Variants in RGP1 observed in about 807,000 individuals in gnomAD.
RGP1 encodes RAB6A-GEF complex partner protein 2.
A neutral mutation model predicts 44.5 loss-of-function variants in RGP1; 28 were observed. That is an observed-to-expected ratio of 0.63 (90% CI 0.47 to 0.86). The LOEUF is 0.86. Among genes scored for constraint, RGP1 ranks in the 40% least tolerant of loss-of-function variants. The pLI is 0.00. For synonymous variants in RGP1, 212 were observed against 196.7 expected (o/e 1.08, Z -0.65); for missense variants, 417 against 490.7 (o/e 0.85, Z 1.42).
the RGP1 span, among the ~76,000 whole-genome samples, chr9:35,782,316 G>T: frequency 1.3e-5 from 2 of 152,180 alleles, no homozygotes; most frequent in African/African-American, 4.8e-5. Flanking sequence ...AAGAGTCATT[G>T]TTTAGTCACT....
At chr9:35,752,279 T>G (rs940277347) in intron 8 of RGP1, 134 bp downstream of exon 8, 16 of 819,724 alleles carry the variant, frequency 2.0e-5, no homozygotes, top group Non-Finnish European at 2.9e-5. Flanking sequence ...CCGGAACAGT[T>G]TCTCAGACCT....
rs1345533626 is a variant in RGP1 at position 35,749,361 on chromosome 9, G to A, written c.-67G>A. ...GTACCTAGCCAGGTCCCTGAGGGGCGGGCAGATGAGGCCTAGGGGTGCCGA... is the reference window on the plus strand; with the variant it reads ...GTACCTAGCCAGGTCCCTGAGGGGCAGGCAGATGAGGCCTAGGGGTGCCGA... On this transcript the variant is annotated 5_prime_UTR_variant, in exon 1 of 9. Transcript: ENST00000378078. This position sits in a 1 kb window ranked among gnomAD's most constrained non-coding sequence, Gnocchi z 4.4. 2 of 540,344 alleles carry A rather than the reference G, an allele frequency of 3.7e-6. No homozygotes were observed. The allele number at this position is 540,344 out of a possible 1,614,324, so 33.5% of individuals were successfully genotyped here.
chr9:35,779,683 T>G, the RGP1 span, among the ~76,000 whole-genome samples: 1 of 152,170 alleles, frequency 6.6e-6, no homozygotes, highest in East Asian at 1.9e-4. Flanking sequence ...AGGGCACAAC[T>G]CAGTGGAGAA....
Position 35,752,966 on chromosome 9 carries a change from TGTC to T in RGP1, c.*95_*97del, listed in dbSNP as rs1268980323. ...CCCACTTTTTCCACCTGGGGTCCAATGTCGTGGACAGTGAGAGTCGGGCTTTCA... is the reference window on the plus strand; with the variant it reads ...CCCACTTTTTCCACCTGGGGTCCAATGTGGACAGTGAGAGTCGGGCTTTCA... On this transcript the variant is annotated 3_prime_UTR_variant, in exon 9 of 9. Transcript: ENST00000378078. 2 of 1,525,564 alleles carry T rather than the reference TGTC, an allele frequency of 1.3e-6. No individual in the cohort carries two copies. Among genetic ancestry groups the T allele is most frequent in the Non-Finnish European group, 1.8e-6 (2 of 1,117,754 alleles). The allele number at this position is 1,525,564 out of a possible 1,614,324, so 94.5% of individuals were successfully genotyped here. A position where few individuals can be genotyped will look rare whatever the true frequency, so the allele number is the denominator to read the frequency against.
In RGP1 at chr9:35,750,701, A is replaced by G. The variant is rs772980127; in HGVS notation, c.297A>G (p.Leu99=). The G allele has an allele frequency of 6.2e-6, 10 of 1,613,798 alleles. No individual in the cohort carries two copies. The highest frequency in any genetic ancestry group is 1.1e-5 in the South Asian group (1 of 91,086). Residue 99 remains leucine, a synonymous_variant, in exon 4 of 9, where the codon CTA becomes CTG. Coordinates refer to ENST00000378078, the MANE Select transcript of RGP1 (RefSeq NM_001080496.3). ...TCCTTTCTACTCCACCGAAAATTCTATTCTGTGACCTGAGGCTTGATCCTG... is the reference window on the plus strand; with the variant it reads ...TCCTTTCTACTCCACCGAAAATTCTGTTCTGTGACCTGAGGCTTGATCCTG... ...QCILSTPPKI[L]FCDLRLDPGE... is the part of the protein sequence containing the mutation.
At chr9:35,783,546 T>G in the RGP1 span, among the ~76,000 whole-genome samples, 1 of 152,154 alleles carries the variant, frequency 6.6e-6, no homozygotes, top group Non-Finnish European at 1.5e-5. Flanking sequence ...GTTTTTTTTT[T>G]TAGATTCCAC....
rs556041798 is a variant in RGP1, at chr9:35,753,880, C to G, written c.*1006C>G. On this transcript the variant is annotated 3_prime_UTR_variant, in exon 9 of 9. Coordinates refer to ENST00000378078, the MANE Select transcript of RGP1 (RefSeq NM_001080496.3). This position sits in a 1 kb window ranked among gnomAD's most constrained non-coding sequence, Gnocchi z 4.2. ...CGCACTATCCCCGTATTTAGTTTGT[C>G]TTTCCTGTTTCACAGCTGGAGGAAG... 1 of 1,545,398 alleles carries G rather than the reference C, an allele frequency of 6.5e-7. No homozygotes were observed. Among genetic ancestry groups the G allele is most frequent in the African/African-American group, 1.4e-5 (1 of 73,484 alleles).
At position 35,750,299 on chromosome 9, in the gene RGP1, G is replaced by A. The variant is rs554295988; in HGVS notation, c.173G>A (p.Ser58Asn). 32 of 1,613,960 alleles carry A rather than the reference G, an allele frequency of 2.0e-5. No individual in the cohort carries two copies. The South Asian group carries it at 3.0e-4, about 15-fold the overall frequency. Residue 58 changes from serine (S) to asparagine (N), a missense_variant, in exon 3 of 9, where the codon AGT (serine) becomes AAT (asparagine). Physicochemically the swap from Ser to Asn is conservative, Grantham distance 46. Transcript: ENST00000378078. ...CACTGCCAGTTCCATGCCAGTGAGA[G>A]TCGAGTAGCACTGCCTCCTCCTGAC... ...QIHCQFHASE[S>N]RVALPPPDSS...
chr9:35,752,041 A>G lies in RGP1; in HGVS notation c.848A>G (p.His283Arg). ...RGAGGVPSVS[H>R]VTHARHQESC... ...GCAGGGGGTGTCCCCTCTGTGTCACATGTGACTCACGCCCGGCACCAGGAA... is the reference window on the plus strand; with the variant it reads ...GCAGGGGGTGTCCCCTCTGTGTCACGTGTGACTCACGCCCGGCACCAGGAA... The change falls in exon 8 of 9, where the codon CAT becomes CGT. Residue 283 changes from histidine to arginine, a missense_variant. His to Arg is a conservative substitution (Grantham distance 29). Coordinates refer to ENST00000378078, the MANE Select transcript of RGP1 (RefSeq NM_001080496.3). 1 of 1,611,630 alleles carries G rather than the reference A, an allele frequency of 6.2e-7. No homozygotes were observed.
chr9:35,750,588 C>T, intron 3 of RGP1, 70 bp from the exon 4 acceptor site: 2 of 1,528,958 alleles, frequency 1.3e-6, no homozygotes, highest in Non-Finnish European at 9.0e-7. Flanking sequence ...TCACTATCTC[C>T]ACTTGCCGTG....
chr9:35,763,443 G>A (rs1260104558), downstream of RGP1, among the ~76,000 whole-genome samples: 1 of 152,028 alleles, frequency 6.6e-6, no homozygotes, highest in Admixed American at 6.6e-5. Flanking sequence ...TTTTAATCAG[G>A]CATGACAAGA....
At chr9:35,769,167 C>T in the RGP1 span, among the ~76,000 whole-genome samples, 1 of 152,380 alleles carries the variant, frequency 6.6e-6, no homozygotes, top group African/African-American at 2.4e-5. Context: ...TGTGTACCTG[C>T]CTCAGCACCA....
chr9:35,778,513 T>A, the RGP1 span, among the ~76,000 whole-genome samples: 2 of 152,174 alleles, frequency 1.3e-5, no homozygotes, highest in Admixed American at 1.3e-4. Flanking sequence ...ATCACAACAT[T>A]ATACTGAAAA....
chr9:35,775,065 A>T, the RGP1 span, among the ~76,000 whole-genome samples: 1 of 152,168 alleles, frequency 6.6e-6, no homozygotes, highest in African/African-American at 2.4e-5. Context: ...TCACTCCTCT[A>T]TATTACTCCA....
chr9:35,771,282 A>G, the RGP1 span, among the ~76,000 whole-genome samples: 1 of 152,150 alleles, frequency 6.6e-6, no homozygotes, highest in Non-Finnish European at 1.5e-5. Context: ...GAGCACAGCC[A>G]GCTTTATTGG....
chr9:35,767,283 G>GTTTTTTTT, the RGP1 span, among the ~76,000 whole-genome samples: 2 of 108,432 alleles, frequency 1.8e-5, no homozygotes, highest in African/African-American at 3.5e-5. Context: ...AAGCAAATTG[G>GTTTTTTTT]TTTTTTTTTT....
At chr9:35,759,566 CCAAAAAAAAAAAAAAAAA>C (rs1827399147), downstream of RGP1, among the ~76,000 whole-genome samples, 2 of 45,748 alleles carry the variant, frequency 4.4e-5, no homozygotes, top group African/African-American at 1.9e-4. Context: ...GACCCTGTCT[CCAAAAAAAAAAAAAAAAA>C]AAAAAAAAAA....
At chr9:35,785,146 G>A in the RGP1 span, among the ~76,000 whole-genome samples, 1 of 152,158 alleles carries the variant, frequency 6.6e-6, no homozygotes, top group Non-Finnish European at 1.5e-5. Flanking sequence ...TGTAAACTGG[G>A]AGGGTTGTTG....
the RGP1 span, among the ~76,000 whole-genome samples, chr9:35,783,059 T>C: frequency 6.6e-6 from 1 of 152,158 alleles, no homozygotes; most frequent in East Asian, 1.9e-4. Context: ...TCCACCCACC[T>C]CGGCCTCCCA....
Sources: allele counts gnomAD v4.1 joint callset (sites outside exome capture counted in the v4.1 genomes callset), GRCh38; gene constraint gnomAD v4.1.1; non-coding constraint Gnocchi (gnomAD v3.1); transcripts MANE v1.5; gene names NCBI Gene and HGNC (gene_info 2026-07-23, HGNC 2026-07-21).